PDZRN4: variants seen among roughly 807,000 people sequenced by gnomAD.
PDZRN4 encodes PDZ domain-containing RING finger protein 4.
A neutral mutation model predicts 99.0 loss-of-function variants in PDZRN4; 70 were observed. The observed-to-expected ratio is 0.71, with a 90% CI of 0.58 to 0.86. The LOEUF is 0.86. PDZRN4 is among the 40% of genes least tolerant of loss of function. The probability of loss-of-function intolerance (pLI) is 0.00; values close to 1 mark genes in which losing one functional copy is unlikely to be tolerated. For missense variants in PDZRN4, 1,474 were observed against 1,331.2 expected (o/e 1.11, Z -1.67); for synonymous variants, 551 against 501.6 (o/e 1.10, Z -1.32).
At chr12:41,365,618 A>AGG (rs1327978181) in intron 3 of PDZRN4, among the ~76,000 whole-genome samples, 2 of 152,066 alleles carry the variant, frequency 1.3e-5, no homozygotes, top group Non-Finnish European at 2.9e-5. Flanking sequence ...AAGCAGAAGA[A>AGG]ACCCAGAATT....
At chr12:41,191,571 C>T (rs78251066) in intron 2 of PDZRN4, 27 bp downstream of exon 2, 6 of 985,410 alleles carry the variant, frequency 6.1e-6, no homozygotes, top group African/African-American at 4.8e-5. Context: ...ATGCATTACT[C>T]GTTACTTATA....
intron 3 of PDZRN4, among the ~76,000 whole-genome samples, chr12:41,258,151 A>G (rs10785188): frequency 0.77 from 117,379 of 152,122 alleles, 45,443 homozygotes; most frequent in East Asian, 0.86. Flanking sequence ...TGTGAAGCTG[A>G]CAGAGATTAT....
chr12:41,431,251 G>A (rs897250619), intron 3 of PDZRN4, among the ~76,000 whole-genome samples: 1 of 152,166 alleles, frequency 6.6e-6, no homozygotes, highest in Non-Finnish European at 1.5e-5. Context: ...CGTACTCTGT[G>A]CCAGGTATAC....
At chr12:41,411,504 A>C (rs1410669088) in intron 3 of PDZRN4, 4 of 152,194 alleles carry the variant, frequency 2.6e-5, no homozygotes, top group African/African-American at 9.7e-5. Flanking sequence ...TCACCAGCTG[A>C]AAGACAAAAA....
intron 5 of PDZRN4, among the ~76,000 whole-genome samples, chr12:41,511,172 T>C (rs1938297728): frequency 6.6e-6 from 1 of 152,076 alleles, no homozygotes; most frequent in African/African-American, 2.4e-5. Flanking sequence ...AACTTTTTAT[T>C]TGGATGCCTT....
chr12:41,314,537 A>T (rs1422087494), intron 3 of PDZRN4, among the ~76,000 whole-genome samples: 2 of 152,180 alleles, frequency 1.3e-5, no homozygotes, highest in Non-Finnish European at 2.9e-5. Context: ...TTCACCAAAG[A>T]GGCTGCATTT....
At chr12:41,325,938 AG>A (rs1171475938) in intron 3 of PDZRN4, among the ~76,000 whole-genome samples, 2 of 152,094 alleles carry the variant, frequency 1.3e-5, no homozygotes, top group African/African-American at 4.8e-5. Flanking sequence ...CTTTAGTTTC[AG>A]GGATAAGTGC....
intron 3 of PDZRN4, among the ~76,000 whole-genome samples, chr12:41,234,677 AC>A: frequency 6.6e-6 from 1 of 152,150 alleles, no homozygotes; most frequent in South Asian, 2.1e-4. Flanking sequence ...ATGCATAAAA[AC>A]CCTAAAGGAC....
At chr12:41,370,105 A>G (rs1952030185) in intron 3 of PDZRN4, among the ~76,000 whole-genome samples, 1 of 151,904 alleles carries the variant, frequency 6.6e-6, no homozygotes, top group African/African-American at 2.4e-5. Context: ...AAATGCCCCT[A>G]AACTAATTAT....
At chr12:41,351,730 C>A (rs11180843) in intron 3 of PDZRN4, among the ~76,000 whole-genome samples, 3 of 151,794 alleles carry the variant, frequency 2.0e-5, no homozygotes, top group Non-Finnish European at 4.4e-5. Context: ...CAATTTGACA[C>A]GAGATTTGGG....
chr12:41,495,358 C>T (rs1312931520), intron 3 of PDZRN4, among the ~76,000 whole-genome samples: 2 of 152,064 alleles, frequency 1.3e-5, no homozygotes, highest in Non-Finnish European at 2.9e-5. Context: ...AAAATTCAAC[C>T]TCTTCAGCTT....
At chr12:41,287,427 C>T (rs1951428943) in intron 3 of PDZRN4, among the ~76,000 whole-genome samples, 1 of 152,186 alleles carries the variant, frequency 6.6e-6, no homozygotes, top group African/African-American at 2.4e-5. Context: ...CCCAAATTAG[C>T]TTTCATTCGT....
chr12:41,341,202 A>G (rs1049907583), intron 3 of PDZRN4, among the ~76,000 whole-genome samples: 1 of 151,826 alleles, frequency 6.6e-6, no homozygotes, highest in Non-Finnish European at 1.5e-5. Flanking sequence ...GGTATGGAGA[A>G]TATGCATCTC....
intron 3 of PDZRN4, among the ~76,000 whole-genome samples, chr12:41,325,286 C>T (rs1414310077): frequency 6.6e-6 from 1 of 152,048 alleles, no homozygotes; most frequent in African/African-American, 2.4e-5. Flanking sequence ...TAGAAATTAA[C>T]ATTTCTATGA....
intron 3 of PDZRN4, among the ~76,000 whole-genome samples, chr12:41,230,794 C>A (rs986506150): frequency 2.0e-5 from 3 of 152,034 alleles, no homozygotes; most frequent in Admixed American, 2.0e-4. Flanking sequence ...TTTTGTCTTT[C>A]ATTTCCAACT....
intron 3 of PDZRN4, among the ~76,000 whole-genome samples, chr12:41,445,630 AG>A (rs1952719726): frequency 6.6e-6 from 1 of 152,002 alleles, no homozygotes; most frequent in African/African-American, 2.4e-5. Flanking sequence ...AGAGGTCCCC[AG>A]CTTGTGGTTT....
intron 3 of PDZRN4, among the ~76,000 whole-genome samples, chr12:41,374,853 G>T (rs1315152142): frequency 1.3e-5 from 2 of 152,158 alleles, no homozygotes; most frequent in Non-Finnish European, 2.9e-5. Context: ...TTTCCCCTAA[G>T]AATGGGCTAG....
In PDZRN4 at chr12:41,556,335, C is replaced by T. The variant is rs189291988; in HGVS notation, c.1365+575C>T. On this transcript the variant is annotated intron_variant, in intron 7 of 9. Transcript: ENST00000402685. ...TTGAGAAATGTCATTAGATGATTTC[C>T]GGGTTGTGCAAACATTGGAGAGTGT... Among the ~76,000 whole-genome samples the T allele has an allele frequency of 1.9e-4, 29 of 152,272 alleles. No homozygotes were observed. The East Asian group carries it at 3.5e-3, about 18-fold the overall frequency.
intron 4 of PDZRN4, among the ~76,000 whole-genome samples, chr12:41,508,790 T>G (rs1482714629): frequency 6.6e-6 from 1 of 152,106 alleles, no homozygotes; most frequent in East Asian, 1.9e-4. Flanking sequence ...TTACGCTGAC[T>G]ATAGTATGAG....
Sources: allele counts gnomAD v4.1 joint callset (sites outside exome capture counted in the v4.1 genomes callset), GRCh38; gene constraint gnomAD v4.1.1; transcripts MANE v1.5; gene names NCBI Gene and HGNC (gene_info 2026-07-23, HGNC 2026-07-21).